The following PLCG2 variants were observed in gnomAD, a reference collection of about 807,000 sequenced individuals.
PLCG2 encodes the protein phospholipase C gamma 2.
A neutral mutation model predicts 175.6 loss-of-function variants in PLCG2; 69 were observed. The observed-to-expected ratio is 0.39, with a 90% CI of 0.32 to 0.48. The LOEUF (loss-of-function observed/expected upper bound fraction) is 0.48, where lower values mean the gene tolerates loss of function less well. Among genes scored for constraint, PLCG2 ranks in the 20% least tolerant of loss-of-function variants. The probability of loss-of-function intolerance (pLI) is 0.91; values close to 1 mark genes in which losing one functional copy is unlikely to be tolerated. For synonymous variants in PLCG2, 827 were observed against 624.0 expected (o/e 1.33, Z -4.85); for missense variants, 1,798 against 1,650.9 (o/e 1.09, Z -1.54).
intron 2 of PLCG2, chr16:81,767,814 C>T (rs1235523449): frequency 2.0e-5 from 3 of 152,242 alleles, no homozygotes; most frequent in Admixed American, 6.5e-5. Flanking sequence ...TCTGTCTGTA[C>T]AACACTGCCT....
chr16:81,900,531 G>T, intron 13 of PLCG2, 81 bp from the exon 14 acceptor site: 1 of 1,316,252 alleles, frequency 7.6e-7, no homozygotes, highest in Non-Finnish European at 1.0e-6. Flanking sequence ...TCGTCCCAGG[G>T]AGCTGCCCTG....
intron 21 of PLCG2, among the ~76,000 whole-genome samples, chr16:81,922,204 G>A (rs1168243778): frequency 3.9e-5 from 6 of 152,176 alleles, no homozygotes; most frequent in African/African-American, 1.4e-4. Flanking sequence ...CTGTGGCAGA[G>A]CTCCTAGAAC....
chr16:81,944,668 G>T (rs1911080500), intron 30 of PLCG2, among the ~76,000 whole-genome samples: 1 of 152,056 alleles, frequency 6.6e-6, no homozygotes, highest in South Asian at 2.1e-4. Flanking sequence ...AGAGATGGGG[G>T]TCTTGCTATG....
At chr16:81,905,371 G>A (rs931901067) in intron 14 of PLCG2, 32 bp from the exon 15 acceptor site, 3 of 1,522,826 alleles carry the variant, frequency 2.0e-6, no homozygotes, top group Non-Finnish European at 2.7e-6. Flanking sequence ...GGGTCTCCAT[G>A]GAGACAGCCT....
At chr16:81,885,310 C>T (rs1192134496) in intron 9 of PLCG2, among the ~76,000 whole-genome samples, 1 of 138,232 alleles carries the variant, frequency 7.2e-6, no homozygotes, top group Non-Finnish European at 1.6e-5. Flanking sequence ...AGGTGTGAGC[C>T]ACCACGCCCA....
chr16:81,769,972 C>G (rs1910242641), intron 2 of PLCG2, among the ~76,000 whole-genome samples: 1 of 152,124 alleles, frequency 6.6e-6, no homozygotes, highest in Admixed American at 6.6e-5. Context: ...ATGGAGCTTC[C>G]CAGTTCCACT....
chr16:81,837,393 T>G (rs1406984420), intron 2 of PLCG2, among the ~76,000 whole-genome samples: 1 of 152,218 alleles, frequency 6.6e-6, no homozygotes, highest in Non-Finnish European at 1.5e-5. Context: ...CCACTTCCTC[T>G]GGGTTTCAGT....
rs557629073 is a variant in PLCG2, at chr16:81,817,498, G to A, written c.193+31316G>A. Among the ~76,000 whole-genome samples, 10 of 152,340 alleles carry A rather than the reference G, an allele frequency of 6.6e-5. No homozygotes were observed. In the South Asian group the frequency reaches 8.3e-4, roughly 13 times the overall value. On this transcript the variant is annotated intron_variant, in intron 2 of 32. Transcript: ENST00000564138. Reference sequence around the variant, plus strand: ...GCAAGGCACTAGGGTGGTTTTAAACGCCTTTTGTCAGCTGTGTTTGGTGTT... The same window carrying A: ...GCAAGGCACTAGGGTGGTTTTAAACACCTTTTGTCAGCTGTGTTTGGTGTT...
At chr16:81,897,470 AC>A (rs1021871011) in intron 13 of PLCG2, among the ~76,000 whole-genome samples, 15 of 151,960 alleles carry the variant, frequency 9.9e-5, no homozygotes, top group Admixed American at 9.8e-4. Context: ...CAAGTGCTTA[AC>A]CCTGCACCTG....
At chr16:81,803,629 C>CCT (rs1474335146) in intron 2 of PLCG2, among the ~76,000 whole-genome samples, 17 of 66,496 alleles carry the variant, frequency 2.6e-4, no homozygotes, top group Non-Finnish European at 4.2e-4. Context: ...CCTTTCTTTT[C>CCT]TTCTTCCCTC....
At chr16:81,797,153 A>G (rs1340400249) in intron 2 of PLCG2, among the ~76,000 whole-genome samples, 1 of 152,186 alleles carries the variant, frequency 6.6e-6, no homozygotes, top group South Asian at 2.1e-4. Context: ...CCCTCAAAAT[A>G]GCACCAAGTT....
At chr16:81,740,044 A>G (rs1909551098) in intron 1 of PLCG2, among the ~76,000 whole-genome samples, 1 of 147,974 alleles carries the variant, frequency 6.8e-6, no homozygotes, top group East Asian at 2.1e-4. Flanking sequence ...AGGCTGAGGC[A>G]GGAGAATCAC....
intron 2 of PLCG2, among the ~76,000 whole-genome samples, chr16:81,789,681 G>C (rs2143192222): frequency 6.6e-6 from 1 of 152,136 alleles, no homozygotes; most frequent in African/African-American, 2.4e-5. Context: ...CACCACTTTG[G>C]CTGGGGCGTA....
Position 81,961,174 on chromosome 16 carries a change from G to C in PLCG2, c.*3176G>C, listed in dbSNP as rs1056097310. ...TCTCTTAGCATGTAACTACAAAGGG[G>C]TTGGAAGAATTCAGTGATTCTGCTA... On this transcript the variant is annotated 3_prime_UTR_variant, in exon 33 of 33. Coordinates refer to ENST00000564138, the MANE Select transcript of PLCG2 (RefSeq NM_002661.5). 1 of 229,132 alleles carries C rather than the reference G, an allele frequency of 4.4e-6. No homozygotes were observed. Among genetic ancestry groups the C allele is most frequent in the Non-Finnish European group, 8.6e-6 (1 of 115,628 alleles). The allele number at this position is 229,132 out of a possible 1,614,324, so 14.2% of individuals were successfully genotyped here. A position where few individuals can be genotyped will look rare whatever the true frequency, so the allele number is the denominator to read the frequency against.
At chr16:81,805,500 G>GAAAAAA (rs1316978784) in intron 2 of PLCG2, among the ~76,000 whole-genome samples, 2 of 54,228 alleles carry the variant, frequency 3.7e-5, no homozygotes, top group Admixed American at 2.0e-4. Context: ...CTCCATCTCA[G>GAAAAAA]AAAAAAAAAA....
chr16:81,761,514 T>C lies in PLCG2; in HGVS notation c.-48+5548T>C, dbSNP rs567271732. Among the ~76,000 whole-genome samples, 348 of 152,342 alleles carry C rather than the reference T, an allele frequency of 2.3e-3. 1 individual carries two copies. Among genetic ancestry groups the C allele is most frequent in the Middle Eastern group, 6.8e-3 (2 of 294 alleles). ...GGCAGCAGCCTGGGAGCTGACTGCC[T>C]AGGTTAGAGTCATATGTCTTTCCCT... On this transcript the variant is annotated intron_variant, in intron 2 of 5. Coordinates refer to the PLCG2 transcript ENST00000565054.
chr16:81,883,335 A>G lies in PLCG2; in HGVS notation c.759A>G (p.Glu253=), dbSNP rs770775997. The change falls in exon 9 of 33, where the codon GAA becomes GAG. Residue 253 remains glutamate (E), a synonymous_variant. Transcript: ENST00000564138. The part of the protein sequence containing the change: ...LHDFQRFLIH[E]QQEHWAQDLN... The stretch of plus-strand genomic sequence containing the variant: ...ACTTCCAGAGGTTTCTCATACATGA[A>G]CAGCAGGTGAGAGCACAAGGTGTGT... The G allele has an allele frequency of 3.7e-6, 6 of 1,613,692 alleles. No homozygotes were observed. Among genetic ancestry groups the G allele is most frequent in the African/African-American group, 2.7e-5 (2 of 75,050 alleles).
intron 31 of PLCG2, among the ~76,000 whole-genome samples, chr16:81,954,268 A>AC (rs770291515): frequency 4.6e-5 from 7 of 152,060 alleles, no homozygotes; most frequent in Non-Finnish European, 8.8e-5. Context: ...CAATCCTCCC[A>AC]CCTCAGCCTC....
intron 2 of PLCG2, among the ~76,000 whole-genome samples, chr16:81,791,690 G>A (rs1005272814): frequency 6.6e-6 from 1 of 152,130 alleles, no homozygotes; most frequent in Non-Finnish European, 1.5e-5. Context: ...TCAGCCCCCC[G>A]AGTAGCTGGG....
Sources: allele counts gnomAD v4.1 joint callset (sites outside exome capture counted in the v4.1 genomes callset), GRCh38; gene constraint gnomAD v4.1.1; transcripts MANE v1.5; gene names NCBI Gene and HGNC (gene_info 2026-07-23, HGNC 2026-07-21).